DNAH12: variants seen among roughly 807,000 people sequenced by gnomAD.
DNAH12 encodes the protein axonemal beta dynein heavy chain 12.
In DNAH12, 285 loss-of-function variants were observed where a neutral mutation model predicts 371.5. The ratio of observed to expected loss-of-function variants is 0.77; its 90% CI spans 0.70 to 0.85. DNAH12 has a LOEUF of 0.85. Ranked by LOEUF, DNAH12 falls within the 40% of genes least tolerant of loss-of-function variation. The probability of loss-of-function intolerance (pLI) is 0.00; values close to 1 mark genes in which losing one functional copy is unlikely to be tolerated. For missense variants in DNAH12, 3,611 were observed against 3,689.4 expected (o/e 0.98, Z 0.55); for synonymous variants, 1,200 against 1,213.0 (o/e 0.99, Z 0.22).
chr3:57,369,231 ATAT>A (rs2063117171), intron 55 of DNAH12, among the ~76,000 whole-genome samples: 13 of 71,610 alleles, frequency 1.8e-4, no homozygotes, highest in South Asian at 3.8e-4. Context: ...AAAAAAAAAT[ATAT>A]ATATATATAT....
In DNAH12 at chr3:57,501,485, C is replaced by T. The variant is rs113434713; in HGVS notation, c.1244-73G>A. Reference sequence around the variant, plus strand: ...AGATAAAACACTTTTTTTATATGATCATGGAATGGGGACCTACTCAATTAA... The same window carrying T: ...AGATAAAACACTTTTTTTATATGATTATGGAATGGGGACCTACTCAATTAA... On this transcript the variant is annotated intron_variant, in intron 10 of 73. Coordinates refer to ENST00000495027, the MANE Select transcript of DNAH12 (RefSeq NM_001366028.2). The T allele has an allele frequency of 7.7e-6, 8 of 1,037,480 alleles. No homozygotes were observed. In the African/African-American group the frequency reaches 8.4e-5, roughly 11 times the overall value. 64.3% of individuals were successfully genotyped at this position (1,037,480 alleles called of 1,614,324 possible).
intron 59 of DNAH12, among the ~76,000 whole-genome samples, chr3:57,354,297 T>C (rs1266294710): frequency 2.0e-5 from 3 of 151,866 alleles, no homozygotes; most frequent in Admixed American, 1.3e-4. Context: ...CAACACTGAG[T>C]ACACATGGAC....
chr3:57,449,273 GC>G (rs1204380578), intron 25 of DNAH12, among the ~76,000 whole-genome samples: 1 of 152,182 alleles, frequency 6.6e-6, no homozygotes, highest in Non-Finnish European at 1.5e-5. Context: ...CAGAAGCCCG[GC>G]TGGCTTCACC....
At chr3:57,354,017 T>C (rs985909646) in intron 59 of DNAH12, among the ~76,000 whole-genome samples, 5 of 152,192 alleles carry the variant, frequency 3.3e-5, no homozygotes, top group Non-Finnish European at 2.9e-5. Flanking sequence ...CAGTCCATTA[T>C]TGGGTACATA....
intron 2 of DNAH12, among the ~76,000 whole-genome samples, chr3:57,527,924 G>A (rs930113511): frequency 2.0e-5 from 3 of 152,156 alleles, no homozygotes; most frequent in African/African-American, 7.2e-5. Flanking sequence ...GCCTGTACTC[G>A]TGGGGTATTA....
At chr3:57,458,265 A>T in intron 20 of DNAH12, 45 bp from the exon 21 acceptor site, 2 of 1,508,426 alleles carry the variant, frequency 1.3e-6, no homozygotes, top group Non-Finnish European at 1.8e-6. Flanking sequence ...TATGCCAGAT[A>T]TAATTATGAC....
chr3:57,322,655 C>T (rs796151535), intron 64 of DNAH12, among the ~76,000 whole-genome samples, 172 bp from the exon 65 acceptor site: 34 of 93,500 alleles, frequency 3.6e-4, no homozygotes, highest in African/African-American at 8.6e-4. Flanking sequence ...GCTGGCCAGG[C>T]GTGGTGGTGC....
chr3:57,425,560 C>T (rs1459020672), intron 34 of DNAH12, among the ~76,000 whole-genome samples: 7 of 152,158 alleles, frequency 4.6e-5, no homozygotes, highest in African/African-American at 1.4e-4. Flanking sequence ...TGAGCCACCA[C>T]AACTAGCCTC....
chr3:57,404,899 T>G, intron 42 of DNAH12, 70 bp downstream of exon 42: 1 of 1,348,888 alleles, frequency 7.4e-7, no homozygotes, highest in Admixed American at 3.6e-5. Context: ...CACCTTTTGG[T>G]ACATTTCAAA....
At chr3:57,542,654 T>C (rs746743780) in intron 2 of DNAH12, 47 bp downstream of exon 2, 3 of 1,537,266 alleles carry the variant, frequency 2.0e-6, no homozygotes, top group Admixed American at 4.1e-5. Flanking sequence ...ACACTAATCA[T>C]TTTACTTGAA....
chr3:57,447,265 C>CT (rs1559669896), intron 25 of DNAH12, among the ~76,000 whole-genome samples: 1 of 152,144 alleles, frequency 6.6e-6, no homozygotes, highest in Non-Finnish European at 1.5e-5. Flanking sequence ...TACGTACATT[C>CT]TTTTTTCTCA....
chr3:57,543,959 A>G (rs1364860157), intron 1 of DNAH12, among the ~76,000 whole-genome samples: 1 of 152,074 alleles, frequency 6.6e-6, no homozygotes, highest in Non-Finnish European at 1.5e-5. Context: ...AGGCACAAGA[A>G]TCGCTTGAAC....
chr3:57,295,490 A>C, intron 73 of DNAH12, 35 bp downstream of exon 73: 1 of 1,534,304 alleles, frequency 6.5e-7, no homozygotes, highest in Non-Finnish European at 8.8e-7. Context: ...TATTCTCCCT[A>C]AACTTCAAAT....
chr3:57,320,939 T>G (rs1373288417), intron 65 of DNAH12, among the ~76,000 whole-genome samples: 4 of 152,230 alleles, frequency 2.6e-5, no homozygotes, highest in Non-Finnish European at 2.9e-5. Flanking sequence ...ACAAAAATGA[T>G]GATACATGGC....
chr3:57,511,723 T>G (rs1396402147), intron 4 of DNAH12, among the ~76,000 whole-genome samples: 2 of 152,142 alleles, frequency 1.3e-5, no homozygotes, highest in Non-Finnish European at 2.9e-5. Flanking sequence ...GGTGTATGGA[T>G]AGACAGACCA....
chr3:57,479,178 T>C (rs1488548005), intron 13 of DNAH12, among the ~76,000 whole-genome samples: 1 of 151,904 alleles, frequency 6.6e-6, no homozygotes, highest in Non-Finnish European at 1.5e-5. Flanking sequence ...AGGAAACCCA[T>C]CTCACGTGCA....
chr3:57,526,739 G>T (rs2068659017), intron 2 of DNAH12, among the ~76,000 whole-genome samples: 1 of 151,712 alleles, frequency 6.6e-6, no homozygotes, highest in African/African-American at 2.4e-5. Flanking sequence ...TGGCCAGGAT[G>T]GTCTCGATTT....
rs1253953704 is a variant in DNAH12 at position 57,329,008 on chromosome 3, C to T, written c.9979-5389G>A. ...ACCTAGGAATCCACCTTACAAGGGA[C>T]GTGAAGGACCTCTTCAAGGAGAACT... is the stretch of plus-strand genomic sequence containing the variant. On this transcript the variant is annotated intron_variant, in intron 62 of 73. Coordinates refer to ENST00000495027, the MANE Select transcript of DNAH12 (RefSeq NM_001366028.2). 4.4e-4 allele frequency among the ~76,000 whole-genome samples: 64 copies of T among 146,190 alleles called. 2 individuals are homozygous for T. Among genetic ancestry groups the T allele is most frequent in the East Asian group, 2.7e-3 (13 of 4,896 alleles).
intron 45 of DNAH12, among the ~76,000 whole-genome samples, chr3:57,390,424 A>AAAAATATAT: frequency 6.0e-5 from 2 of 33,438 alleles, no homozygotes; most frequent in Admixed American, 5.6e-4. Context: ...AAAAAAAAAA[A>AAAAATATAT]ATATATATAT....
Sources: gnomAD v4.1 joint callset for allele counts (sites outside exome capture counted in the v4.1 genomes callset) on GRCh38, gnomAD v4.1.1 for gene constraint, MANE v1.5 for transcripts, NCBI Gene and HGNC (gene_info 2026-07-23, HGNC 2026-07-21) for gene names.